The following LMO7 variants were observed in gnomAD, a reference collection of about 807,000 sequenced individuals.
LMO7 encodes LIM domain only protein 7.
Under a neutral mutation model 206.5 loss-of-function variants are expected in LMO7, and 120 were observed. That is an observed-to-expected ratio of 0.58 (90% CI 0.50 to 0.68). The LOEUF (loss-of-function observed/expected upper bound fraction) is 0.68. Ranked by LOEUF, LMO7 falls within the 30% of genes least tolerant of loss-of-function variation. The probability of loss-of-function intolerance (pLI) is 0.00; values close to 1 mark genes in which losing one functional copy is unlikely to be tolerated. For synonymous variants in LMO7, 706 were observed against 681.5 expected (o/e 1.04, Z -0.56); for missense variants, 1,959 against 1,957.9 (o/e 1.00, Z -0.01).
At chr13:75,752,102 A>C (rs2047318323) in intron 3 of LMO7, among the ~76,000 whole-genome samples, 1 of 152,064 alleles carries the variant, frequency 6.6e-6, no homozygotes, top group Non-Finnish European at 1.5e-5. Flanking sequence ...CTATATATGC[A>C]ACAGCACTTG....
intron 1 of LMO7, among the ~76,000 whole-genome samples, chr13:75,670,061 G>A (rs984499088): frequency 3.3e-5 from 5 of 152,156 alleles, no homozygotes; most frequent in African/African-American, 1.2e-4. Context: ...ACAGAGAAAG[G>A]CCCTAAACTT....
At position 75,685,349 on chromosome 13, in the gene LMO7, C is replaced by A. The variant is rs1293702958; in HGVS notation, c.70-27833C>A. On this transcript the variant is annotated intron_variant, in intron 1 of 30. Transcript: ENST00000377534. Reference sequence around the variant, plus strand: ...CCACATATTTGAGTGTTCTTTACCCCTTCTGGCTAGAGTTGACTCATGTTT... The same window carrying A: ...CCACATATTTGAGTGTTCTTTACCCATTCTGGCTAGAGTTGACTCATGTTT... Among the ~76,000 whole-genome samples the A allele has an allele frequency of 2.0e-5, 3 of 152,310 alleles. No homozygotes were observed. The East Asian group carries it at 5.8e-4, about 29-fold the overall frequency.
intron 3 of LMO7, among the ~76,000 whole-genome samples, chr13:75,738,247 C>G (rs1316796328): frequency 6.6e-6 from 1 of 152,218 alleles, no homozygotes; most frequent in Non-Finnish European, 1.5e-5. Flanking sequence ...TTTCTTACAT[C>G]CTTTGCTATA....
Position 75,796,619 on chromosome 13 carries a change from A to ATTTTTTTTTTTT in LMO7, c.349-15_349-4dup. The ATTTTTTTTTTTT allele has an allele frequency of 7.7e-7, 1 of 1,300,470 alleles. No homozygotes were observed. The highest frequency in any genetic ancestry group is 1.5e-5 in the African/African-American group (1 of 67,064). 80.6% of individuals were successfully genotyped at this position (1,300,470 alleles called of 1,614,324 possible). ...AATCGACTGATCTTGTTGTTCATGG[A>ATTTTTTTTTTTT]TTTTTTTTTTTTTAAGGTTTTGATA... On this transcript the variant is annotated splice_polypyrimidine_tract_variant and intron_variant, in intron 5 of 30. Transcript: ENST00000377534.
chr13:75,747,798 T>C (rs1314033272), intron 3 of LMO7, among the ~76,000 whole-genome samples: 1 of 152,194 alleles, frequency 6.6e-6, no homozygotes, highest in Non-Finnish European at 1.5e-5. Context: ...GGGATTGCGG[T>C]TGCTAATCAG....
intron 1 of LMO7, among the ~76,000 whole-genome samples, chr13:75,669,414 G>A (rs960022551): frequency 8.5e-5 from 13 of 152,116 alleles, no homozygotes; most frequent in Non-Finnish European, 1.5e-5. Flanking sequence ...CCGCAAATTA[G>A]GATTCCCTAG....
chr13:75,846,410 A>G (rs1325138664), intron 26 of LMO7, among the ~76,000 whole-genome samples: 3 of 152,140 alleles, frequency 2.0e-5, no homozygotes, highest in Non-Finnish European at 4.4e-5. Context: ...TATCTTTCTC[A>G]GTTCCCAATT....
intron 1 of LMO7, among the ~76,000 whole-genome samples, chr13:75,672,413 G>A (rs1261755058): frequency 1.3e-5 from 2 of 151,898 alleles, no homozygotes; most frequent in Non-Finnish European, 2.9e-5. Flanking sequence ...GGCTAAATTT[G>A]TATTTTTAGT....
intron 1 of LMO7, among the ~76,000 whole-genome samples, chr13:75,694,568 A>G (rs1287489484): frequency 6.6e-6 from 1 of 152,218 alleles, no homozygotes; most frequent in African/African-American, 2.4e-5. Context: ...CACATCTGCC[A>G]GAGAAGCCTA....
At chr13:75,850,313 A>G (rs1458416098) in intron 27 of LMO7, among the ~76,000 whole-genome samples, 1 of 152,224 alleles carries the variant, frequency 6.6e-6, no homozygotes, top group Non-Finnish European at 1.5e-5. Context: ...TCTTCTTTCC[A>G]CTTGGTTGGA....
intron 3 of LMO7, among the ~76,000 whole-genome samples, chr13:75,729,593 T>C (rs1481774847): frequency 6.6e-6 from 1 of 150,834 alleles, no homozygotes; most frequent in Non-Finnish European, 1.5e-5. Context: ...TTTGACTTCC[T>C]CTTTTCCTAA....
At chr13:75,670,716 A>G (rs1040331540) in intron 1 of LMO7, among the ~76,000 whole-genome samples, 7 of 152,198 alleles carry the variant, frequency 4.6e-5, no homozygotes, top group Non-Finnish European at 8.8e-5. Context: ...CTAAATGTAA[A>G]GGCCTAGGAC....
rs755416511 is a variant in LMO7, at chr13:75,819,534, A to G, written c.2206A>G (p.Arg736Gly). 3 of 1,586,794 alleles carry G rather than the reference A, an allele frequency of 1.9e-6. No homozygotes were observed. The highest frequency in any genetic ancestry group is 1.7e-6 in the Non-Finnish European group (2 of 1,171,924). The change falls in exon 13 of 31, where the codon AGG becomes GGG. Residue 736 changes from arginine to glycine, a missense_variant and splice_region_variant. By Grantham distance (125) the Arg-to-Gly change is moderately radical. Transcript: ENST00000377534. ...GACGTTTAAGGAAATGCTGCAGGAC[A>G]GGTAATAATGCTGAATGCACCTCGG... is the stretch of plus-strand genomic sequence containing the variant. Reference protein sequence around the residue: ...SKTFKEMLQDRESQNQKSTVP... With the variant: ...SKTFKEMLQDGESQNQKSTVP...
chr13:75,645,168 A>T (rs1313456602), intron 1 of LMO7, among the ~76,000 whole-genome samples: 2 of 152,184 alleles, frequency 1.3e-5, no homozygotes, highest in African/African-American at 4.8e-5. Flanking sequence ...GCATACCAGA[A>T]ATTGTACAGA....
rs1460625335 is a variant in LMO7 at position 75,834,371 on chromosome 13, G to A, written c.3210G>A (p.Arg1070=). 1 of 1,599,102 alleles carries A rather than the reference G, an allele frequency of 6.3e-7. No individual in the cohort carries two copies. The highest frequency in any genetic ancestry group is 1.7e-5 in the Admixed American group (1 of 57,820). The part of the protein sequence containing the change: ...QETGHLVMDV[R]RYGKAGSPET... ...CTGGACACCTAGTGATGGATGTGAG[G>A]CGCTATGGAAAGGCTGGTGAGTTTG... The change falls in exon 17 of 31, where the codon AGG becomes AGA. Residue 1070 remains arginine (R), a synonymous_variant. Coordinates refer to ENST00000377534, the MANE Select transcript of LMO7 (RefSeq NM_001306080.2).
At chr13:75,789,276 G>A (rs991660045) in intron 4 of LMO7, among the ~76,000 whole-genome samples, 3 of 152,178 alleles carry the variant, frequency 2.0e-5, no homozygotes, top group Non-Finnish European at 4.4e-5. Flanking sequence ...GGACAGGATA[G>A]GGGCTGGGAT....
At chr13:75,718,003 G>A (rs527909949) in intron 2 of LMO7, among the ~76,000 whole-genome samples, 4 of 152,250 alleles carry the variant, frequency 2.6e-5, no homozygotes, top group African/African-American at 7.2e-5. Flanking sequence ...TCCATGTTAT[G>A]TGATAGCCCA....
chr13:75,822,762 C>CTATATATATATATA (rs66789925), intron 14 of LMO7, among the ~76,000 whole-genome samples: 81 of 108,426 alleles, frequency 7.5e-4, no homozygotes, highest in East Asian at 4.0e-3. Flanking sequence ...TTTTTAGAAA[C>CTATATATATATATA]TATATATATA....
At chr13:75,852,948 A>G in intron 27 of LMO7, 144 bp from the exon 28 acceptor site, 1 of 657,246 alleles carries the variant, frequency 1.5e-6, no homozygotes, top group East Asian at 2.8e-5. Flanking sequence ...ACATCAAGGA[A>G]CATCTGTATA....
Sources: allele counts gnomAD v4.1 joint callset (sites outside exome capture counted in the v4.1 genomes callset), GRCh38; gene constraint gnomAD v4.1.1; transcripts MANE v1.5; gene names NCBI Gene and HGNC (gene_info 2026-07-23, HGNC 2026-07-21).